Variants in ADGRL2 observed in about 807,000 individuals in gnomAD.
ADGRL2 encodes the protein calcium-independent alpha-latrotoxin receptor 2.
Under a neutral mutation model 157.4 loss-of-function variants are expected in ADGRL2, and 44 were observed. The observed-to-expected ratio is 0.28, with a 90% CI of 0.22 to 0.36. ADGRL2 has a LOEUF of 0.36. Ranked by LOEUF, ADGRL2 falls within the 10% of genes least tolerant of loss-of-function variation. ADGRL2 has a pLI of 1.00. For missense variants in ADGRL2, 1,510 were observed against 1,768.9 expected (o/e 0.85, Z 2.63); for synonymous variants, 585 against 624.7 (o/e 0.94, Z 0.95).
chr1:81,419,394 A>G (rs189012825), intron 1 of ADGRL2, among the ~76,000 whole-genome samples: 1 of 152,104 alleles, frequency 6.6e-6, no homozygotes, highest in Non-Finnish European at 1.5e-5. Flanking sequence ...TTTTAGTGGA[A>G]ACAGGGTTTC....
intron 2 of ADGRL2, among the ~76,000 whole-genome samples, chr1:81,500,012 G>GA (rs1341357358): frequency 6.6e-6 from 1 of 152,062 alleles, no homozygotes; most frequent in Non-Finnish European, 1.5e-5. Context: ...GGCTGAAAAA[G>GA]AAAAAGATTC....
At chr1:81,631,308 C>T (rs2082006568) in intron 3 of ADGRL2, among the ~76,000 whole-genome samples, 1 of 152,040 alleles carries the variant, frequency 6.6e-6, no homozygotes, top group African/African-American at 2.4e-5. Flanking sequence ...CCTCTGCCTC[C>T]CCTGTTCAGG....
intron 2 of ADGRL2, chr1:81,503,394 C>A: frequency 6.2e-7 from 1 of 1,613,698 alleles, no homozygotes; most frequent in Non-Finnish European, 8.5e-7. Flanking sequence ...GCAGCAGCAG[C>A]TCTCACTGTT....
At chr1:81,423,582 T>A (rs1015534449) in intron 1 of ADGRL2, among the ~76,000 whole-genome samples, 1 of 152,218 alleles carries the variant, frequency 6.6e-6, no homozygotes, top group Non-Finnish European at 1.5e-5. Context: ...TAATCTAGCA[T>A]AATTATTTTA....
intron 1 of ADGRL2, among the ~76,000 whole-genome samples, chr1:81,758,977 A>G (rs914118364): frequency 1.3e-5 from 2 of 152,126 alleles, no homozygotes; most frequent in African/African-American, 4.8e-5. Flanking sequence ...TCCTAAGGTT[A>G]CAGGGCTTCC....
chr1:81,605,423 C>G (rs983282402), intron 3 of ADGRL2, among the ~76,000 whole-genome samples: 1 of 152,190 alleles, frequency 6.6e-6, no homozygotes, highest in African/African-American at 2.4e-5. Flanking sequence ...CAGTGGATCT[C>G]CAGGATACCA....
At chr1:81,505,221 C>A (rs1326038388) in intron 2 of ADGRL2, 14 of 535,144 alleles carry the variant, frequency 2.6e-5, no homozygotes, top group Non-Finnish European at 4.0e-5. Context: ...CACACACACA[C>A]ACACACACCA....
At chr1:81,583,119 T>C (rs948677404) in intron 3 of ADGRL2, among the ~76,000 whole-genome samples, 1 of 152,196 alleles carries the variant, frequency 6.6e-6, no homozygotes, top group Non-Finnish European at 1.5e-5. Context: ...GATTCAGCCA[T>C]GTAAAGGACA....
intron 2 of ADGRL2, among the ~76,000 whole-genome samples, chr1:81,890,410 T>C (rs577622354): frequency 1.4e-4 from 22 of 152,320 alleles, no homozygotes; most frequent in South Asian, 1.0e-3. Flanking sequence ...GTTTCTTTTA[T>C]AGAAAATTTA....
At chr1:81,521,370 A>G (rs1245894927) in intron 2 of ADGRL2, among the ~76,000 whole-genome samples, 3 of 152,222 alleles carry the variant, frequency 2.0e-5, no homozygotes, top group Admixed American at 1.3e-4. Flanking sequence ...ATAAAATTAT[A>G]TAATATATAC....
chr1:81,767,854 C>CAAAAAAAAAAAAAAA (rs71592741), intron 2 of ADGRL2, among the ~76,000 whole-genome samples: 1 of 83,998 alleles, frequency 1.2e-5, no homozygotes, highest in East Asian at 2.8e-4. Flanking sequence ...GATCCTGTCT[C>CAAAAAAAAAAAAAAA]AAAAAAAAAA....
chr1:81,430,993 C>T (rs961186232), intron 1 of ADGRL2, among the ~76,000 whole-genome samples: 2 of 152,134 alleles, frequency 1.3e-5, no homozygotes, highest in African/African-American at 4.8e-5. Flanking sequence ...TTTACTTTAA[C>T]ATAAAAAAGG....
At chr1:81,409,536 G>A (rs1258275699) in intron 1 of ADGRL2, among the ~76,000 whole-genome samples, 1 of 152,162 alleles carries the variant, frequency 6.6e-6, no homozygotes, top group Admixed American at 6.5e-5. Context: ...TGGAGGCTGA[G>A]CTCCCAGTGA....
At chr1:81,391,543 T>C (rs372851414) in intron 1 of ADGRL2, among the ~76,000 whole-genome samples, 28 of 152,406 alleles carry the variant, frequency 1.8e-4, no homozygotes, top group African/African-American at 6.2e-4. Flanking sequence ...TATTTTTTTC[T>C]CTAAAATAAA....
At chr1:81,880,577 C>G (rs1300524494) in intron 2 of ADGRL2, among the ~76,000 whole-genome samples, 1 of 152,004 alleles carries the variant, frequency 6.6e-6, no homozygotes, top group East Asian at 1.9e-4. Context: ...CCGGGTTCTC[C>G]CTTTACAGTT....
chr1:81,524,848 G>A (rs180880691), intron 2 of ADGRL2, among the ~76,000 whole-genome samples: 3 of 151,900 alleles, frequency 2.0e-5, no homozygotes, highest in South Asian at 4.2e-4. Context: ...GAGGCTACAG[G>A]GAGCTATGAT....
chr1:81,903,587 G>A (rs920147448), intron 2 of ADGRL2, among the ~76,000 whole-genome samples: 5 of 151,500 alleles, frequency 3.3e-5, no homozygotes, highest in African/African-American at 9.7e-5. Flanking sequence ...TATTTTTTAT[G>A]TTGTTGAACA....
At chr1:81,465,039 TTGG>T (rs2078024273) in intron 2 of ADGRL2, among the ~76,000 whole-genome samples, 1 of 151,920 alleles carries the variant, frequency 6.6e-6, no homozygotes, top group African/African-American at 2.4e-5. Context: ...ACTCATGCTG[TTGG>T]TGGCATTGTC....
intron 1 of ADGRL2, among the ~76,000 whole-genome samples, chr1:81,385,744 A>T (rs1412654814): frequency 6.6e-6 from 1 of 152,154 alleles, no homozygotes; most frequent in African/African-American, 2.4e-5. Flanking sequence ...TTTCATTAAG[A>T]GCTAACATAA....
Sources: allele counts gnomAD v4.1 joint callset (sites outside exome capture counted in the v4.1 genomes callset), GRCh38; gene constraint gnomAD v4.1.1; transcripts MANE v1.5; gene names NCBI Gene and HGNC (gene_info 2026-07-23, HGNC 2026-07-21).